The following LGALS8 variants were observed in gnomAD, a reference collection of about 807,000 sequenced individuals.
The protein encoded by LGALS8 is galectin 8, also known as galectin-8.
A neutral mutation model predicts 35.9 loss-of-function variants in LGALS8; 30 were observed. The ratio of observed to expected loss-of-function variants is 0.83; its 90% CI spans 0.62 to 1.13. LGALS8 has a LOEUF of 1.13. Among genes scored for constraint, LGALS8 ranks in the 50% most tolerant of loss-of-function variants. The probability of loss-of-function intolerance (pLI) is 0.00; values close to 1 mark genes in which losing one functional copy is unlikely to be tolerated. For missense variants in LGALS8, 366 were observed against 388.7 expected (o/e 0.94, Z 0.49); for synonymous variants, 138 against 136.1 (o/e 1.01, Z -0.10).
In LGALS8 at chr1:236,537,182, A is replaced by T. The variant is rs181602731; in HGVS notation, c.46-315A>T. ...CAGGCGCCCACCACCACACCCGGCT[A>T]ATTTTTGTATTTTTAGTAGAGACGG... On this transcript the variant is annotated intron_variant, in intron 2 of 9. Transcript: ENST00000366584. 2.6e-5 allele frequency among the ~76,000 whole-genome samples: 4 copies of T among 151,584 alleles called. No individual in the cohort carries two copies. The East Asian group carries it at 7.8e-4, about 29-fold the overall frequency.
chr1:236,542,918 A>G, intron 7 of LGALS8, 131 bp downstream of exon 7: 1 of 1,614,168 alleles, frequency 6.2e-7, no homozygotes, highest in Non-Finnish European at 8.5e-7. Context: ...CCTACAGCCT[A>G]GTAATAGAGG....
At chr1:236,544,282 T>C (rs1220878834) in intron 8 of LGALS8, among the ~76,000 whole-genome samples, 3 of 152,194 alleles carry the variant, frequency 2.0e-5, no homozygotes, top group South Asian at 2.1e-4. Flanking sequence ...CCTCTTGTCA[T>C]GTGATTTAGA....
At chr1:236,547,666 C>A (rs1662459416) in intron 9 of LGALS8, among the ~76,000 whole-genome samples, 2 of 111,318 alleles carry the variant, frequency 1.8e-5, no homozygotes, top group Non-Finnish European at 4.2e-5. Context: ...GGAGAGTCCC[C>A]AGCATCGGCG....
intron 5 of LGALS8, among the ~76,000 whole-genome samples, 165 bp downstream of exon 5, chr1:236,540,848 T>G (rs1005442828): frequency 2.0e-5 from 3 of 152,252 alleles, no homozygotes; most frequent in Admixed American, 6.5e-5. Flanking sequence ...GAAGGCTGTT[T>G]ATCAGCCAGG....
chr1:236,541,525 G>A (rs2853611), intron 5 of LGALS8, 129 bp from the exon 6 acceptor site: 366,431 of 566,332 alleles, frequency 0.65, 121,401 homozygotes, highest in Non-Finnish European at 0.7. Flanking sequence ...AGTGTCAAGT[G>A]TATTTTTGGA....
At chr1:236,519,304 T>C (rs1035077195), upstream of LGALS8, among the ~76,000 whole-genome samples, 2 of 150,626 alleles carry the variant, frequency 1.3e-5, no homozygotes, top group Non-Finnish European at 2.9e-5. Flanking sequence ...GGTGGGAGGA[T>C]CACTTGAGCC....
In LGALS8 at chr1:236,537,550, T is replaced by C. The variant is rs773387565; in HGVS notation, c.99T>C (p.Ile33=). The C allele has an allele frequency of 6.2e-7, 1 of 1,607,358 alleles. No homozygotes were observed. The highest frequency in any genetic ancestry group is 8.5e-7 in the Non-Finnish European group (1 of 1,173,578). ...IPDQLDPGTL[I]VIRGHVPSDA... The stretch of plus-strand genomic sequence containing the variant: ...ATCAGCTGGATCCTGGAACTTTGAT[T>C]GTGATACGTGGGCATGTTCCTAGTG... Residue 33 remains isoleucine, a synonymous_variant, in exon 3 of 10, where the codon ATT becomes ATC. Coordinates refer to ENST00000366584, the MANE Select transcript of LGALS8 (RefSeq NM_201544.4).
chr1:236,527,069 G>A (rs865904965), intron 2 of LGALS8, among the ~76,000 whole-genome samples: 1 of 152,156 alleles, frequency 6.6e-6, no homozygotes, highest in Non-Finnish European at 1.5e-5. Flanking sequence ...CTTTGCGCAT[G>A]TTAGAGTTAA....
Position 236,550,934 on chromosome 1 carries a change from C to G in LGALS8, c.*2773C>G. ...TAGCTCTGGAGTGGCTCTCCCAGGA[C>G]AGTTTCCAGTTGCTGAATAGTCTTT... On this transcript the variant is annotated 3_prime_UTR_variant, in exon 10 of 10. Transcript: ENST00000366584. 1 of 1,607,232 alleles carries G rather than the reference C, an allele frequency of 6.2e-7. No individual in the cohort carries two copies. Among genetic ancestry groups the G allele is most frequent in the Non-Finnish European group, 8.5e-7 (1 of 1,177,880 alleles).
chr1:236,532,077 A>G (rs956600021), intron 2 of LGALS8, among the ~76,000 whole-genome samples: 1 of 152,208 alleles, frequency 6.6e-6, no homozygotes, highest in Admixed American at 6.5e-5. Flanking sequence ...GGCTGGTCAC[A>G]TAAGCACCCT....
rs750831798 is a variant in LGALS8 at position 236,547,966 on chromosome 1, T to G, written c.805-46T>G. The G allele has an allele frequency of 1.9e-6, 3 of 1,561,040 alleles. No homozygotes were observed. In the East Asian group the frequency reaches 6.7e-5, roughly 35 times the overall value. On this transcript the variant is annotated intron_variant, in intron 9 of 9. Transcript: ENST00000366584. ...CGTTAGCATGTAACAAACACAAAAT[T>G]TTAAACTAAGGGGAACCACTAATGG...
chr1:236,544,778 T>G lies in LGALS8; in HGVS notation c.667T>G (p.Ser223Ala), dbSNP rs772963753. The G allele has an allele frequency of 1.9e-6, 3 of 1,606,248 alleles. No homozygotes were observed. The highest frequency in any genetic ancestry group is 1.3e-5 in the African/African-American group (1 of 74,510). The change falls in exon 9 of 10, where the codon TCA (serine) becomes GCA (alanine). Residue 223 changes from serine to alanine, a missense_variant. Physicochemically the swap from Ser to Ala is moderately conservative, Grantham distance 99 (BLOSUM62 1). Transcript: ENST00000366584. ...SFNVDLLAGK[S>A]KDIALHLNPR... ...TAATGTTGACCTACTAGCAGGAAAA[T>G]CAAAGGATATTGCTCTACACTTGAA...
Position 236,526,231 on chromosome 1 carries a change from C to A in LGALS8, c.45+116C>A. 1 of 720,858 alleles carries A rather than the reference C, an allele frequency of 1.4e-6. No homozygotes were observed. The highest frequency in any genetic ancestry group is 2.4e-6 in the Non-Finnish European group (1 of 425,062). 44.7% of individuals were successfully genotyped at this position (720,858 alleles called of 1,614,324 possible). On this transcript the variant is annotated intron_variant, in intron 2 of 9. Coordinates refer to ENST00000366584, the MANE Select transcript of LGALS8 (RefSeq NM_201544.4). The surrounding 1 kb of genome is among the most constrained non-coding windows in gnomAD (Gnocchi z 4.6). Reference sequence around the variant, plus strand: ...AAGCCAGTGAACATATTTAAAGCACCTACTATGTAATAGAGATGGTGGTGG... The same window carrying A: ...AAGCCAGTGAACATATTTAAAGCACATACTATGTAATAGAGATGGTGGTGG...
chr1:236,542,923 TAGA>T, intron 7 of LGALS8, 136 bp downstream of exon 7: 5 of 1,614,144 alleles, frequency 3.1e-6, no homozygotes, highest in Non-Finnish European at 4.2e-6. Flanking sequence ...AGCCTAGTAA[TAGA>T]GGAGGAGACA....
intron 1 of LGALS8, chr1:236,524,595 G>A (rs766153431): frequency 5.5e-6 from 2 of 363,284 alleles, no homozygotes; most frequent in Admixed American, 3.4e-5. Context: ...TCCTTTGACC[G>A]TACGTGAAAC....
chr1:236,524,315 C>A, intron 1 of LGALS8: 1 of 456,772 alleles, frequency 2.2e-6, no homozygotes, highest in Non-Finnish European at 4.4e-6. Flanking sequence ...CGCGGCCTTT[C>A]TTGGACATCC....
At chr1:236,532,066 A>G (rs1661179244) in intron 2 of LGALS8, among the ~76,000 whole-genome samples, 1 of 152,158 alleles carries the variant, frequency 6.6e-6, no homozygotes, top group African/African-American at 2.4e-5. Flanking sequence ...TTTTTACTGG[A>G]GGCTGGTCAC....
At chr1:236,529,390 T>C (rs1661013854) in intron 2 of LGALS8, among the ~76,000 whole-genome samples, 2 of 152,044 alleles carry the variant, frequency 1.3e-5, no homozygotes, top group South Asian at 4.1e-4. Context: ...GAGACCAGCC[T>C]GACTAACACA....
chr1:236,524,077 C>T lies in LGALS8; in HGVS notation c.-104+16C>T, dbSNP rs1558152944. 1 of 455,376 alleles carries T rather than the reference C, an allele frequency of 2.2e-6. No homozygotes were observed. Among genetic ancestry groups the T allele is most frequent in the East Asian group, 7.0e-5 (1 of 14,386 alleles). 28.2% of individuals were successfully genotyped at this position (455,376 alleles called of 1,614,324 possible). On this transcript the variant is annotated intron_variant, in intron 1 of 9. Transcript: ENST00000366584. ...CAGTCTTTGGGTGAGTCGCGCGACC[C>T]CCGGCCTCGGGTGGCGGGGCAGTCG...
Sources: allele counts gnomAD v4.1 joint callset (sites outside exome capture counted in the v4.1 genomes callset), GRCh38; gene constraint gnomAD v4.1.1; non-coding constraint Gnocchi (gnomAD v3.1); transcripts MANE v1.5; gene names NCBI Gene and HGNC (gene_info 2026-07-23, HGNC 2026-07-21).